Variants in SBF2 observed in about 807,000 individuals in gnomAD.
SBF2 encodes the protein myotubularin-related protein 13.
In SBF2, 112 loss-of-function variants were observed where a neutral mutation model predicts 225.2. The observed-to-expected ratio is 0.50, with a 90% CI of 0.43 to 0.58. The LOEUF (loss-of-function observed/expected upper bound fraction) is 0.58. Among genes scored for constraint, SBF2 ranks in the 20% least tolerant of loss-of-function variants. The pLI is 0.00. For synonymous variants in SBF2, 763 were observed against 773.3 expected, an observed-to-expected ratio of 0.99 and a Z score of 0.22; for missense variants, 1,996 against 2,206.2, an observed-to-expected ratio of 0.90 and a Z score of 1.91.
At position 10,253,859 on chromosome 11, in the gene SBF2, T is replaced by TA. The variant is rs543184891; in HGVS notation, c.55+40155dup. On this transcript the variant is annotated intron_variant, in intron 1 of 39. Coordinates refer to ENST00000256190, the MANE Select transcript of SBF2 (RefSeq NM_030962.4). ...GCCTAGGTAAGCACTGAGTGAAAAA[T>TA]AAATCTGGCCACAAGATACATGAAA... Among the ~76,000 whole-genome samples the TA allele has an allele frequency of 5.9e-5, 9 of 152,004 alleles. No individual in the cohort carries two copies. The East Asian group carries it at 1.5e-3, about 26-fold the overall frequency.
At chr11:9,830,791 A>C (rs1855352626) in intron 27 of SBF2, among the ~76,000 whole-genome samples, 2 of 151,890 alleles carry the variant, frequency 1.3e-5, no homozygotes, top group South Asian at 4.1e-4. Flanking sequence ...ACAAAAAACA[A>C]AAAAACCCTA....
rs771419758 is a variant in SBF2 at position 9,808,887 on chromosome 11, G to A, written c.4257+14C>T. 6.4e-6 allele frequency: 10 copies of A among 1,554,018 alleles called. No homozygotes were observed. The highest frequency in any genetic ancestry group is 8.9e-6 in the Non-Finnish European group (10 of 1,125,398). On this transcript the variant is annotated intron_variant, in intron 31 of 39. Coordinates refer to ENST00000256190, the MANE Select transcript of SBF2 (RefSeq NM_030962.4). ...ATAAATATAAAATATCAAAAAATATGTCTAATAGTTTACTTGTGCAGTGAT... is the reference window on the plus strand; with the variant it reads ...ATAAATATAAAATATCAAAAAATATATCTAATAGTTTACTTGTGCAGTGAT...
intron 16 of SBF2, among the ~76,000 whole-genome samples, chr11:9,933,950 CAG>C (rs1198000196): frequency 6.6e-6 from 1 of 151,840 alleles, no homozygotes; most frequent in Admixed American, 6.6e-5. Flanking sequence ...AAGAATCAAA[CAG>C]ATGCAATAAA....
chr11:9,909,421 C>T (rs61876927), intron 16 of SBF2, among the ~76,000 whole-genome samples: 27,849 of 151,910 alleles, frequency 0.18, 2,923 homozygotes, highest in Non-Finnish European at 0.23. Context: ...CCTGTAATCC[C>T]AGCACTTTGG....
At chr11:10,015,624 C>T (rs1233339042) in intron 6 of SBF2, among the ~76,000 whole-genome samples, 3 of 152,124 alleles carry the variant, frequency 2.0e-5, no homozygotes, top group South Asian at 2.1e-4. Context: ...TAGATTTTGA[C>T]AGAGATGCAT....
intron 16 of SBF2, among the ~76,000 whole-genome samples, chr11:9,940,474 T>C (rs375074717): frequency 1.3e-5 from 2 of 152,178 alleles, no homozygotes; most frequent in East Asian, 1.9e-4. Context: ...GCCAGTCTAA[T>C]ACCAAAGTCT....
At chr11:10,160,115 A>T (rs1486018669) in intron 2 of SBF2, among the ~76,000 whole-genome samples, 1 of 152,190 alleles carries the variant, frequency 6.6e-6, no homozygotes, top group Admixed American at 6.5e-5. Context: ...TAAAAGAAGA[A>T]GTAAAAAATA....
chr11:9,967,971 C>CTCTCTCTCTATATATATATA (rs1260685462), intron 14 of SBF2, among the ~76,000 whole-genome samples: 2 of 91,506 alleles, frequency 2.2e-5, no homozygotes, highest in African/African-American at 7.6e-5. Context: ...CTCTCTCTCT[C>CTCTCTCTCTATATATATATA]TATATATATA....
chr11:10,029,714 G>T (rs1286615784), intron 5 of SBF2, 51 bp downstream of exon 5: 1 of 1,088,412 alleles, frequency 9.2e-7, no homozygotes. Context: ...TTAACTGGAG[G>T]AGAGGGGAAG....
At chr11:10,230,409 T>C (rs574030583) in intron 1 of SBF2, among the ~76,000 whole-genome samples, 139 of 152,340 alleles carry the variant, frequency 9.1e-4, no homozygotes, top group African/African-American at 3.1e-3. Context: ...CTAGCCTTGA[T>C]GGTCTTTACA....
At chr11:9,784,253 G>C in intron 38 of SBF2, 98 bp downstream of exon 38, 1 of 926,622 alleles carries the variant, frequency 1.1e-6, no homozygotes, top group Non-Finnish European at 1.8e-6. Flanking sequence ...AAAGCAGTCT[G>C]TACATGAGGA....
intron 3 of SBF2, among the ~76,000 whole-genome samples, chr11:10,039,466 A>G (rs1019887951): frequency 2.0e-5 from 3 of 151,884 alleles, no homozygotes; most frequent in African/African-American, 7.2e-5. Flanking sequence ...ACCTAAGTAC[A>G]ATTATATAGA....
chr11:10,226,708 T>C (rs1958575733), intron 1 of SBF2, among the ~76,000 whole-genome samples: 1 of 152,256 alleles, frequency 6.6e-6, no homozygotes, highest in African/African-American at 2.4e-5. Context: ...ATGTGTCACA[T>C]TTTCTTAATC....
intron 16 of SBF2, among the ~76,000 whole-genome samples, chr11:9,903,889 T>C (rs1286373401): frequency 2.0e-5 from 3 of 152,172 alleles, no homozygotes; most frequent in African/African-American, 4.8e-5. Context: ...TTAATGCTCA[T>C]GCCCAGGAAG....
rs143000240 is a variant in SBF2 at position 10,030,158 on chromosome 11, T to C, written c.403-283A>G. Among the ~76,000 whole-genome samples the C allele has an allele frequency of 5.9e-5, 9 of 152,346 alleles. No homozygotes were observed. The East Asian group carries it at 1.7e-3, about 29-fold the overall frequency. On this transcript the variant is annotated intron_variant, in intron 4 of 39. Transcript: ENST00000256190. ...TACTCTAGCAAATCTGTAGGGCTAA[T>C]ACTGTTTTTGCCTCAACTTAAGTCT...
chr11:9,911,919 C>T (rs1381150942), intron 16 of SBF2, among the ~76,000 whole-genome samples: 1 of 152,254 alleles, frequency 6.6e-6, no homozygotes, highest in Non-Finnish European at 1.5e-5. Context: ...AATACGCTAA[C>T]CAAGCTTGTC....
chr11:10,194,741 C>A (rs1291053760), intron 1 of SBF2, among the ~76,000 whole-genome samples: 1 of 152,094 alleles, frequency 6.6e-6, no homozygotes, highest in Admixed American at 6.6e-5. Context: ...GAACTCCTGA[C>A]CTCAAGTGGT....
chr11:10,212,610 C>T (rs1283845186), intron 1 of SBF2, among the ~76,000 whole-genome samples: 1 of 152,126 alleles, frequency 6.6e-6, no homozygotes, highest in Non-Finnish European at 1.5e-5. Flanking sequence ...ATTCATTGGA[C>T]CTTAAGTGTT....
intron 2 of SBF2, among the ~76,000 whole-genome samples, chr11:10,158,381 C>T (rs1404690270): frequency 2.6e-5 from 4 of 151,802 alleles, no homozygotes; most frequent in African/African-American, 9.7e-5. Context: ...AGAAAAAAAT[C>T]AACAAAACTA....
Sources: allele counts gnomAD v4.1 joint callset (sites outside exome capture counted in the v4.1 genomes callset), GRCh38; gene constraint gnomAD v4.1.1; transcripts MANE v1.5; gene names NCBI Gene and HGNC (gene_info 2026-07-23, HGNC 2026-07-21).